The following SEC24D variants were observed in gnomAD, a reference collection of about 807,000 sequenced individuals.
The protein encoded by SEC24D is protein transport protein Sec24D.
Under a neutral mutation model 116.9 loss-of-function variants are expected in SEC24D, and 69 were observed. That is an observed-to-expected ratio of 0.59 (90% confidence interval 0.49 to 0.72). SEC24D has a LOEUF of 0.72. SEC24D is among the 30% of genes least tolerant of loss of function. The pLI is 0.00. For synonymous variants in SEC24D, 405 were observed against 442.8 expected, an observed-to-expected ratio of 0.91 and a Z score of 1.07; for missense variants, 1,131 against 1,264.1, an observed-to-expected ratio of 0.89 and a Z score of 1.60.
chr4:118,724,879 C>T (rs190712697), intron 22 of SEC24D, among the ~76,000 whole-genome samples: 1 of 152,364 alleles, frequency 6.6e-6, no homozygotes, highest in East Asian at 1.9e-4. Flanking sequence ...TTTCTCACTT[C>T]TTCCTCTCAG....
chr4:118,771,559 G>A (rs1727905206), intron 8 of SEC24D, among the ~76,000 whole-genome samples: 1 of 152,144 alleles, frequency 6.6e-6, no homozygotes, highest in Non-Finnish European at 1.5e-5. Context: ...TGAATAAAAT[G>A]TATCTCTTGT....
chr4:118,800,794 C>A (rs116173135), intron 7 of SEC24D, among the ~76,000 whole-genome samples: 1 of 152,060 alleles, frequency 6.6e-6, no homozygotes, highest in Non-Finnish European at 1.5e-5. Context: ...GGAGGTTATG[C>A]GACTTTCCAA....
intron 2 of SEC24D, among the ~76,000 whole-genome samples, chr4:118,825,010 A>C (rs1353441884): frequency 6.6e-6 from 1 of 152,220 alleles, no homozygotes; most frequent in Non-Finnish European, 1.5e-5. Context: ...GAAAAAAATA[A>C]ATTTGCATAT....
intron 7 of SEC24D, among the ~76,000 whole-genome samples, chr4:118,802,698 T>C (rs1001053437): frequency 3.9e-5 from 6 of 152,142 alleles, no homozygotes; most frequent in Non-Finnish European, 8.8e-5. Context: ...TCCTTCATAC[T>C]CTTTCCATAC....
At chr4:118,765,436 A>AC (rs1727600327) in intron 9 of SEC24D, among the ~76,000 whole-genome samples, 1 of 152,230 alleles carries the variant, frequency 6.6e-6, no homozygotes, top group Non-Finnish European at 1.5e-5. Context: ...GGGAAAGACT[A>AC]CACCACTAAG....
intron 10 of SEC24D, 95 bp downstream of exon 10, chr4:118,764,707 T>G (rs1727554100): frequency 1.4e-6 from 1 of 706,860 alleles, no homozygotes. Context: ...CAAAATGCTT[T>G]GTTTGTGAAT....
intron 10 of SEC24D, among the ~76,000 whole-genome samples, chr4:118,762,337 T>C (rs6854328): frequency 0.63 from 95,872 of 151,898 alleles, 31,836 homozygotes; most frequent in Non-Finnish European, 0.72. Context: ...AGTCTGGCTC[T>C]GTTACTTTCT....
At chr4:118,800,341 A>G (rs1391875686) in intron 7 of SEC24D, among the ~76,000 whole-genome samples, 1 of 152,000 alleles carries the variant, frequency 6.6e-6, no homozygotes, top group Non-Finnish European at 1.5e-5. Context: ...CGGGGTTGTG[A>G]GCCTCTCTCT....
intron 11 of SEC24D, among the ~76,000 whole-genome samples, chr4:118,754,963 C>A (rs927595513): frequency 7.9e-5 from 12 of 152,072 alleles, no homozygotes; most frequent in African/African-American, 2.7e-4. Flanking sequence ...AGAGGAAAAA[C>A]TAGATTACTA....
At chr4:118,820,957 C>T (rs1730376022) in intron 3 of SEC24D, among the ~76,000 whole-genome samples, 1 of 152,132 alleles carries the variant, frequency 6.6e-6, no homozygotes, top group Non-Finnish European at 1.5e-5. Flanking sequence ...GCAGAGTTGA[C>T]TCAGTTTTCT....
In SEC24D at chr4:118,725,876, G is replaced by A. The variant is rs562127262; in HGVS notation, c.2959-2221C>T. 2.9e-4 allele frequency among the ~76,000 whole-genome samples: 44 copies of A among 152,254 alleles called. No individual in the cohort carries two copies. In the South Asian group the frequency reaches 8.5e-3, roughly 29 times the overall value. On this transcript the variant is annotated intron_variant, in intron 22 of 22. Transcript: ENST00000280551. Reference sequence around the variant, plus strand: ...GGCCTGTCTTGACACAGTGATGGTCGTCTCTTCAAGGGGCACACCCACACC... The same window carrying A: ...GGCCTGTCTTGACACAGTGATGGTCATCTCTTCAAGGGGCACACCCACACC...
At chr4:118,758,677 T>G (rs1727231752) in intron 10 of SEC24D, 1 of 152,164 alleles carries the variant, frequency 6.6e-6, no homozygotes, top group Non-Finnish European at 1.5e-5. Context: ...AACTTCATAA[T>G]AAATCACAAA....
chr4:118,744,968 T>A lies in SEC24D; in HGVS notation c.1800A>T (p.Lys600Asn). ...CCTTCTCTTTGTCTGTATTAACCAGTTTTTTGTCATCTCTGTTTTTGAGCT... is the reference window on the plus strand; with the variant it reads ...CCTTCTCTTTGTCTGTATTAACCAGATTTTTGTCATCTCTGTTTTTGAGCT... The part of the protein sequence containing the change: ...PGKLKNRDDK[K>N]LVNTDKEKIL... The change falls in exon 14 of 23, where the codon AAA becomes AAT. Residue 600 changes from lysine to asparagine, a missense_variant. Physicochemically the swap from Lys to Asn is moderately conservative, Grantham distance 94. Coordinates refer to ENST00000280551, the MANE Select transcript of SEC24D (RefSeq NM_014822.4). 6.2e-7 allele frequency: 1 copy of A among 1,608,540 alleles called. No homozygotes were observed. The highest frequency in any genetic ancestry group is 8.5e-7 in the Non-Finnish European group (1 of 1,175,880).
rs1278873361 is a variant in SEC24D, at chr4:118,816,770, A to G, written c.397+494T>C. 1.3e-5 allele frequency: 6 copies of G among 454,608 alleles called. No individual in the cohort carries two copies. In the East Asian group the frequency reaches 4.2e-4, roughly 32 times the overall value. The allele number at this position is 454,608 out of a possible 1,614,324, so 28.2% of individuals were successfully genotyped here. A position where few individuals can be genotyped will look rare whatever the true frequency, so the allele number is the denominator to read the frequency against. ...GGATATACAGCATTTCTGTTGATGT[A>G]AATCTCAGTACTGTGACTCTTTCCT... On this transcript the variant is annotated intron_variant, in intron 4 of 22. Transcript: ENST00000280551.
At chr4:118,815,301 C>G in intron 5 of SEC24D, 146 bp from the exon 6 acceptor site, 1 of 1,354,204 alleles carries the variant, frequency 7.4e-7, no homozygotes, top group East Asian at 2.3e-5. Context: ...GTGTGGTTCC[C>G]CATTTCTTTG....
In SEC24D at chr4:118,823,240, C is replaced by T. The variant is rs182520892; in HGVS notation, c.248+1380G>A. Among the ~76,000 whole-genome samples the T allele has an allele frequency of 5.9e-5, 9 of 152,318 alleles. 1 individual carries two copies. In the South Asian group the frequency reaches 1.0e-3, roughly 18 times the overall value. ...TTGCTCCAAGCTTAAACCACAATCA[C>T]GCTTAATGACCTACCCTCTGCATCC... On this transcript the variant is annotated intron_variant, in intron 3 of 22. Coordinates refer to ENST00000280551, the MANE Select transcript of SEC24D (RefSeq NM_014822.4).
intron 8 of SEC24D, among the ~76,000 whole-genome samples, chr4:118,779,171 G>A (rs544927547): frequency 3.3e-5 from 5 of 152,178 alleles, no homozygotes; most frequent in Non-Finnish European, 7.3e-5. Context: ...GGGCATCTCT[G>A]TCTTGTGCCA....
intron 8 of SEC24D, among the ~76,000 whole-genome samples, chr4:118,792,473 AAGAG>A (rs1347483350): frequency 2.0e-5 from 3 of 152,256 alleles, no homozygotes; most frequent in Admixed American, 1.3e-4. Flanking sequence ...GGGGAAAAGA[AAGAG>A]AGATCAGATT....
At position 118,815,129 on chromosome 4, in the gene SEC24D, C is replaced by T. The variant is rs73842254; in HGVS notation, c.700G>A (p.Ala234Thr). The change falls in exon 6 of 23, where the codon GCA becomes ACA. Residue 234 changes from alanine to threonine, a missense_variant. Ala to Thr is a moderately conservative substitution (Grantham distance 58). Coordinates refer to ENST00000280551, the MANE Select transcript of SEC24D (RefSeq NM_014822.4). ...AAGCCTCCTGGGTAAGACAGTTGTG[C>T]GCCTGCCATCTGGGGACCAGAGTTG... ...QANSGPQMAG[A>T]QLSYPGGFPG... is the part of the protein sequence containing the mutation. The T allele has an allele frequency of 5.8e-4, 942 of 1,614,062 alleles. 3 individuals carry two copies. The African/African-American group carries it at 0.011, about 19-fold the overall frequency.
Sources: gnomAD v4.1 joint callset for allele counts (sites outside exome capture counted in the v4.1 genomes callset) on GRCh38, gnomAD v4.1.1 for gene constraint, MANE v1.5 for transcripts, NCBI Gene and HGNC (gene_info 2026-07-23, HGNC 2026-07-21) for gene names.